The following ADAM23 variants were observed in gnomAD, a reference collection of about 807,000 sequenced individuals.
The protein encoded by ADAM23 is disintegrin and metalloproteinase domain-containing protein 23.
ADAM23 carries 33 observed loss-of-function variants against 120.1 expected under a neutral mutation model. The ratio of observed to expected loss-of-function variants is 0.27; its 90% confidence interval spans 0.21 to 0.37. The LOEUF is 0.37. Ranked by LOEUF, ADAM23 falls within the 10% of genes least tolerant of loss-of-function variation. The pLI, the probability that ADAM23 is intolerant of heterozygous loss-of-function variation, is 1.00. For synonymous variants in ADAM23, 367 were observed against 375.2 expected, an observed-to-expected ratio of 0.98 and a Z score of 0.25; for missense variants, 862 against 1,058.2, an observed-to-expected ratio of 0.81 and a Z score of 2.57.
At chr2:206,486,050 C>T (rs1244662648) in intron 3 of ADAM23, among the ~76,000 whole-genome samples, 2 of 152,098 alleles carry the variant, frequency 1.3e-5, no homozygotes, top group Admixed American at 6.5e-5. Context: ...AACGAGGAGA[C>T]GAGATCAGAG....
chr2:206,533,610 G>T lies in ADAM23; in HGVS notation c.573+2662G>T, dbSNP rs117050944. On this transcript the variant is annotated intron_variant, in intron 4 of 25. Transcript: ENST00000264377. ...AAAGAACAGTCTATTTGGCTATGAAGTTAAATGTGAATGTGGATATTGACA... is the reference window on the plus strand; with the variant it reads ...AAAGAACAGTCTATTTGGCTATGAATTTAAATGTGAATGTGGATATTGACA... Among the ~76,000 whole-genome samples the T allele has an allele frequency of 4.7e-3, 711 of 152,330 alleles. 9 individuals are homozygous for T. The highest frequency in any genetic ancestry group is 0.031 in the Admixed American group (467 of 15,294).
chr2:206,487,299 C>G (rs1185968637), intron 3 of ADAM23, among the ~76,000 whole-genome samples: 1 of 152,072 alleles, frequency 6.6e-6, no homozygotes, highest in African/African-American at 2.4e-5. Context: ...CTTGTCTTCC[C>G]TTTGGCTTCA....
At chr2:206,590,000 AT>A (rs913437071) in intron 21 of ADAM23, among the ~76,000 whole-genome samples, 2 of 152,054 alleles carry the variant, frequency 1.3e-5, no homozygotes, top group East Asian at 1.9e-4. Context: ...TACACCAGAG[AT>A]TTTTTTTCCC....
At chr2:206,555,831 A>G (rs1003034483) in intron 9 of ADAM23, among the ~76,000 whole-genome samples, 1 of 152,186 alleles carries the variant, frequency 6.6e-6, no homozygotes, top group Non-Finnish European at 1.5e-5. Context: ...TCAATCCACA[A>G]TTCAGTGGAA....
At chr2:206,587,908 T>TA (rs1362584944) in intron 19 of ADAM23, among the ~76,000 whole-genome samples, 183 bp from the exon 20 acceptor site, 3 of 152,268 alleles carry the variant, frequency 2.0e-5, no homozygotes, top group Non-Finnish European at 4.4e-5. Context: ...GAGTTCTGTT[T>TA]AGAGTTTTAA....
chr2:206,525,427 C>T (rs1257539578), intron 3 of ADAM23, among the ~76,000 whole-genome samples: 1 of 152,100 alleles, frequency 6.6e-6, no homozygotes, highest in African/African-American at 2.4e-5. Flanking sequence ...AAATGATTTC[C>T]TTTGTGGTCC....
At chr2:206,513,865 G>A (rs977456035) in intron 3 of ADAM23, among the ~76,000 whole-genome samples, 1 of 152,202 alleles carries the variant, frequency 6.6e-6, no homozygotes, top group Admixed American at 6.5e-5. Context: ...AGAATTATGC[G>A]AAATCTGTTC....
intron 24 of ADAM23, among the ~76,000 whole-genome samples, chr2:206,599,607 A>G (rs912145106): frequency 1.3e-5 from 2 of 152,242 alleles, no homozygotes; most frequent in African/African-American, 4.8e-5. Flanking sequence ...AGAAGATTCC[A>G]AGTGAGAAAT....
intron 2 of ADAM23, among the ~76,000 whole-genome samples, chr2:206,466,698 A>G (rs541763224): frequency 9.2e-5 from 14 of 152,260 alleles, no homozygotes; most frequent in Non-Finnish European, 1.6e-4. Context: ...AAATCGCTAT[A>G]AAGAAATACC....
At chr2:206,538,306 G>A (rs192359949) in intron 4 of ADAM23, among the ~76,000 whole-genome samples, 2 of 152,006 alleles carry the variant, frequency 1.3e-5, no homozygotes, top group Admixed American at 1.3e-4. Context: ...TCAAAATCAG[G>A]TATACATGTC....
intron 3 of ADAM23, among the ~76,000 whole-genome samples, chr2:206,523,068 G>T (rs141009091): frequency 6.6e-6 from 1 of 152,254 alleles, no homozygotes; most frequent in African/African-American, 2.4e-5. Flanking sequence ...GGCTGATCAA[G>T]CCAGCTGAGT....
At chr2:206,486,578 A>G (rs1329419030) in intron 3 of ADAM23, among the ~76,000 whole-genome samples, 1 of 152,154 alleles carries the variant, frequency 6.6e-6, no homozygotes, top group Non-Finnish European at 1.5e-5. Context: ...TTTACTGAGA[A>G]TAACCATGAT....
Position 206,571,712 on chromosome 2 carries a change from A to G in ADAM23, c.1567-15A>G. Reference sequence around the variant, plus strand: ...GTAAGGCTCTTCGCTTACTCACGTGAAGTGTTTTCTCTAGGAATGCTATGG... The same window carrying G: ...GTAAGGCTCTTCGCTTACTCACGTGGAGTGTTTTCTCTAGGAATGCTATGG... On this transcript the variant is annotated splice_polypyrimidine_tract_variant and intron_variant, in intron 16 of 25. Coordinates refer to ENST00000264377, the MANE Select transcript of ADAM23 (RefSeq NM_003812.4). 2 of 1,608,252 alleles carry G rather than the reference A, an allele frequency of 1.2e-6. No individual in the cohort carries two copies. Among genetic ancestry groups the G allele is most frequent in the South Asian group, 1.1e-5 (1 of 90,970 alleles).
intron 3 of ADAM23, among the ~76,000 whole-genome samples, chr2:206,492,030 G>A (rs1466037794): frequency 6.6e-6 from 1 of 152,262 alleles, no homozygotes. Context: ...TAAGTGCCAG[G>A]CACTGTCAAA....
At chr2:206,588,737 G>A (rs182912022) in intron 20 of ADAM23, among the ~76,000 whole-genome samples, 1 of 152,168 alleles carries the variant, frequency 6.6e-6, no homozygotes, top group Non-Finnish European at 1.5e-5. Context: ...GGGCCAGACG[G>A]GGGGAAGAAT....
chr2:206,513,752 A>T (rs1266269302), intron 3 of ADAM23, among the ~76,000 whole-genome samples: 1 of 152,218 alleles, frequency 6.6e-6, no homozygotes, highest in African/African-American at 2.4e-5. Context: ...CCTGGCTTCG[A>T]CGCTGCAAAG....
At chr2:206,564,541 G>A (rs1392818268) in intron 13 of ADAM23, among the ~76,000 whole-genome samples, 3 of 152,150 alleles carry the variant, frequency 2.0e-5, no homozygotes, top group Admixed American at 6.5e-5. Flanking sequence ...CAGCACATAG[G>A]TACACCGTCT....
chr2:206,501,674 CAGG>C (rs1401921723), intron 3 of ADAM23, among the ~76,000 whole-genome samples: 3 of 151,984 alleles, frequency 2.0e-5, no homozygotes, highest in African/African-American at 7.2e-5. Context: ...TATTAAACAG[CAGG>C]AGATTTTTAT....
chr2:206,529,466 G>A (rs983810644), intron 3 of ADAM23, among the ~76,000 whole-genome samples: 5 of 151,804 alleles, frequency 3.3e-5, no homozygotes, highest in African/African-American at 1.2e-4. Flanking sequence ...TGGTGCAATC[G>A]TAGCTCACTG....
Sources: allele counts gnomAD v4.1 joint callset (sites outside exome capture counted in the v4.1 genomes callset), GRCh38; gene constraint gnomAD v4.1.1; transcripts MANE v1.5; gene names NCBI Gene and HGNC (gene_info 2026-07-23, HGNC 2026-07-21).